Variants in SLC4A3 observed in about 807,000 individuals in gnomAD.
The protein encoded by SLC4A3 is solute carrier family 4 member 3, also known as anion exchange protein 3.
Under a neutral mutation model 114.2 loss-of-function variants are expected in SLC4A3, and 47 were observed. That is an observed-to-expected ratio of 0.41 (90% CI 0.33 to 0.52). SLC4A3 has a LOEUF of 0.52. Among genes scored for constraint, SLC4A3 ranks in the 20% least tolerant of loss-of-function variants. SLC4A3 has a pLI of 0.21. For missense variants in SLC4A3, 1,312 were observed against 1,668.3 expected, an observed-to-expected ratio of 0.79 and a Z score of 3.72; for synonymous variants, 693 against 710.3, an observed-to-expected ratio of 0.98 and a Z score of 0.39.
At position 219,628,026 on chromosome 2, in the gene SLC4A3, G is replaced by C; in HGVS notation, c.34G>C (p.Ala12Pro). 1 of 1,583,728 alleles carries C rather than the reference G, an allele frequency of 6.3e-7. No individual in the cohort carries two copies. ...CGGAGTGATCCCGCCGCCCGGGGGC[G>C]CCTCCCCCCTACCCCAGGTGATCGG... ...ANGVIPPPGG[A>P]SPLPQVRVPL... The change falls in exon 2 of 23, where the codon GCC becomes CCC. Residue 12 changes from alanine (A) to proline (P), a missense_variant. Physicochemically the swap from Ala to Pro is conservative, Grantham distance 27. This residue lies in a region of SLC4A3 where 236 missense variants were observed against 212.1 expected (regional missense o/e 1.11). Coordinates refer to ENST00000358055, the MANE Select transcript of SLC4A3 (RefSeq NM_005070.4). The surrounding 1 kb of genome is among the most constrained non-coding windows in gnomAD (Gnocchi z 4.8).
chr2:219,638,171 G>A lies in SLC4A3; in HGVS notation c.2774G>A (p.Arg925His), dbSNP rs1553552538. 3 of 1,611,052 alleles carry A rather than the reference G, an allele frequency of 1.9e-6. No homozygotes were observed. Among genetic ancestry groups the A allele is most frequent in the Non-Finnish European group, 2.5e-6 (3 of 1,178,436 alleles). ...CAACTGGCCCCTCTCAAGGCTCGTCGCATCATCGGGGACTTTGGCATCCCC... is the reference window on the plus strand; with the variant it reads ...CAACTGGCCCCTCTCAAGGCTCGTCACATCATCGGGGACTTTGGCATCCCC... ...NSRFLGGKAR[R>H]IIGDFGIPIS... The change falls in exon 18 of 23, where the codon CGC becomes CAC. Residue 925 changes from arginine to histidine, a missense_variant. This residue lies in a region of SLC4A3 where 301 missense variants were observed against 460.7 expected (regional missense o/e 0.65). Transcript: ENST00000358055. The surrounding 1 kb of genome is among the most constrained non-coding windows in gnomAD (Gnocchi z 7.5).
chr2:219,632,186 C>G (rs1420857187), intron 7 of SLC4A3, 70 bp downstream of exon 7: 5 of 1,605,818 alleles, frequency 3.1e-6, no homozygotes, highest in Non-Finnish European at 4.3e-6. Context: ...CCTCTCTTTG[C>G]CCCCCTGCCT....
At chr2:219,634,874 G>A (rs894540450) in intron 12 of SLC4A3, among the ~76,000 whole-genome samples, 1 of 152,204 alleles carries the variant, frequency 6.6e-6, no homozygotes, top group African/African-American at 2.4e-5. Context: ...GGCTGGATGC[G>A]CTGGTCTTTG....
rs552845612 is a variant in SLC4A3, at chr2:219,627,943, G to A, written c.-50G>A. 48 of 1,553,074 alleles carry A rather than the reference G, an allele frequency of 3.1e-5. No homozygotes were observed. The East Asian group carries it at 1.1e-3, about 36-fold the overall frequency. On this transcript the variant is annotated 5_prime_UTR_variant, in exon 2 of 23. Coordinates refer to ENST00000358055, the MANE Select transcript of SLC4A3 (RefSeq NM_005070.4). Reference sequence around the variant, plus strand: ...CTCAGTGGCCCCTCCTTCTCACCTGGGTCTCGGGTCCCCTAGTGAGCGAGA... The same window carrying A: ...CTCAGTGGCCCCTCCTTCTCACCTGAGTCTCGGGTCCCCTAGTGAGCGAGA...
Position 219,639,809 on chromosome 2 carries a change from T to G in SLC4A3, c.3277+74T>G, listed in dbSNP as rs2106204677. On this transcript the variant is annotated intron_variant, in intron 20 of 22. Transcript: ENST00000358055. The surrounding 1 kb of genome is among the most constrained non-coding windows in gnomAD (Gnocchi z 5.9). ...TCTTACATCTTCACTATCCCAGGCT[T>G]GACCCTGAATCTCCCAATGTGCTGT... 1 of 1,552,670 alleles carries G rather than the reference T, an allele frequency of 6.4e-7. No individual in the cohort carries two copies.
chr2:219,640,056 G>A (rs980076003), intron 20 of SLC4A3, among the ~76,000 whole-genome samples: 1 of 152,194 alleles, frequency 6.6e-6, no homozygotes, highest in African/African-American at 2.4e-5. Context: ...CGCCTCCCGA[G>A]TAGCTGGGAC....
Position 219,638,262 on chromosome 2 carries a change from GC to G in SLC4A3, c.2856+13del. 1.2e-6 allele frequency: 2 copies of G among 1,601,064 alleles called. No homozygotes were observed. The highest frequency in any genetic ancestry group is 8.5e-7 in the Non-Finnish European group (1 of 1,171,166). On this transcript the variant is annotated intron_variant, in intron 18 of 22. Transcript: ENST00000358055. This position sits in a 1 kb window ranked among gnomAD's most constrained non-coding sequence, Gnocchi z 7.5. ...CAGACACCTACACGCAGGTGAGGGA[GC>G]CCCAGCCTGTGGCAGCTGCTGTCAC...
Position 219,639,789 on chromosome 2 carries a change from C to T in SLC4A3, c.3277+54C>T. The T allele has an allele frequency of 1.3e-6, 2 of 1,583,034 alleles. No individual in the cohort carries two copies. Among genetic ancestry groups the T allele is most frequent in the Admixed American group, 1.7e-5 (1 of 59,578 alleles). ...CCCTTCCTTGGGCCCCACGGTCTTA[C>T]ATCTTCACTATCCCAGGCTTGACCC... On this transcript the variant is annotated intron_variant, in intron 20 of 22. Coordinates refer to ENST00000358055, the MANE Select transcript of SLC4A3 (RefSeq NM_005070.4). This position sits in a 1 kb window ranked among gnomAD's most constrained non-coding sequence, Gnocchi z 5.9.
chr2:219,633,514 C>G, intron 10 of SLC4A3, 57 bp downstream of exon 10: 2 of 1,409,830 alleles, frequency 1.4e-6, no homozygotes, highest in Non-Finnish European at 1.9e-6. Context: ...CAGTTTCAGT[C>G]GAGGTCATCG....
In SLC4A3 at chr2:219,629,641, A is replaced by C. The variant is rs1248068941; in HGVS notation, c.557A>C (p.Lys186Thr). Reference sequence around the variant, plus strand: ...CTCCCTGGGAGGGCTGCTGTCACCAAGCCCCTGCCCTCGGTGGGCCCACAC... The same window carrying C: ...CTCCCTGGGAGGGCTGCTGTCACCACGCCCCTGCCCTCGGTGGGCCCACAC... ...PGLPGRAAVT[K>T]PLPSVGPHTD... Residue 186 changes from lysine (K) to threonine (T), a missense_variant, in exon 5 of 23, where the codon AAG becomes ACG. Coordinates refer to ENST00000358055, the MANE Select transcript of SLC4A3 (RefSeq NM_005070.4). The C allele has an allele frequency of 6.2e-7, 1 of 1,613,340 alleles. No individual in the cohort carries two copies. Among genetic ancestry groups the C allele is most frequent in the South Asian group, 1.1e-5 (1 of 91,056 alleles).
Position 219,637,615 on chromosome 2 carries a change from C to T in SLC4A3, c.2570C>T (p.Pro857Leu), listed in dbSNP as rs761450606. The T allele has an allele frequency of 3.1e-6, 5 of 1,610,452 alleles. No homozygotes were observed. The highest frequency in any genetic ancestry group is 4.2e-6 in the Non-Finnish European group (5 of 1,177,480). ...FTEHPLLPFYPPEGALEGSLD... is the reference protein window; with the variant it reads ...FTEHPLLPFYLPEGALEGSLD... ...GAGCACCCACTGCTGCCGTTCTACCCCCCTGAGGGGGCCCTGGAGGGGTCC... is the reference window on the plus strand; with the variant it reads ...GAGCACCCACTGCTGCCGTTCTACCTCCCTGAGGGGGCCCTGGAGGGGTCC... The change falls in exon 17 of 23, where the codon CCC (proline) becomes CTC (leucine). Residue 857 changes from proline (P) to leucine (L), a missense_variant. Transcript: ENST00000358055. This position sits in a 1 kb window ranked among gnomAD's most constrained non-coding sequence, Gnocchi z 4.6.
chr2:219,637,720 C>T lies in SLC4A3; in HGVS notation c.2675C>T (p.Thr892Met), dbSNP rs1398058468. ...GPPSPRNQPN[T>M]ALLSLILMLG... ...CCCAGCCCGAGGAACCAGCCCAATA[C>T]GGCACTGCTCTCACTCATCCTCATG... Residue 892 changes from threonine to methionine, a missense_variant, in exon 17 of 23, where the codon ACG becomes ATG. This residue lies in a region of SLC4A3 where 301 missense variants were observed against 460.7 expected (regional missense o/e 0.65). Coordinates refer to ENST00000358055, the MANE Select transcript of SLC4A3 (RefSeq NM_005070.4). This position sits in a 1 kb window ranked among gnomAD's most constrained non-coding sequence, Gnocchi z 4.6. 11 of 1,613,814 alleles carry T rather than the reference C, an allele frequency of 6.8e-6. No homozygotes were observed. The highest frequency in any genetic ancestry group is 8.5e-6 in the Non-Finnish European group (10 of 1,179,752).
In SLC4A3 at chr2:219,638,126, C is replaced by A; in HGVS notation, c.2767-38C>A. On this transcript the variant is annotated intron_variant, in intron 17 of 22. Coordinates refer to ENST00000358055, the MANE Select transcript of SLC4A3 (RefSeq NM_005070.4). The surrounding 1 kb of genome is among the most constrained non-coding windows in gnomAD (Gnocchi z 7.5). The stretch of plus-strand genomic sequence containing the variant: ...CCGTGTTAGTCTGCTGACCTTGCCT[C>A]CACCTTTTGCTCCCTTCCCCAACTG... 1 of 1,533,198 alleles carries A rather than the reference C, an allele frequency of 6.5e-7. No individual in the cohort carries two copies. The highest frequency in any genetic ancestry group is 9.0e-7 in the Non-Finnish European group (1 of 1,116,232). The allele number at this position is 1,533,198 out of a possible 1,614,324, so 95.0% of individuals were successfully genotyped here.
chr2:219,637,774 T>G lies in SLC4A3; in HGVS notation c.2729T>G (p.Leu910Arg). The G allele has an allele frequency of 6.2e-7, 1 of 1,613,946 alleles. No homozygotes were observed. Among genetic ancestry groups the G allele is most frequent in the Non-Finnish European group, 8.5e-7 (1 of 1,179,872 alleles). ...MLGTFFIAFF[L>R]RKFRNSRFLG... is the part of the protein sequence containing the mutation. ...GGGACCTTCTTCATAGCCTTCTTCCTGCGCAAGTTCAGGAACAGCCGCTTC... is the reference window on the plus strand; with the variant it reads ...GGGACCTTCTTCATAGCCTTCTTCCGGCGCAAGTTCAGGAACAGCCGCTTC... Residue 910 changes from leucine (L) to arginine (R), a missense_variant, in exon 17 of 23, where the codon CTG (leucine) becomes CGG (arginine). By Grantham distance (102) the Leu-to-Arg change is moderately radical. Coordinates refer to ENST00000358055, the MANE Select transcript of SLC4A3 (RefSeq NM_005070.4). This position sits in a 1 kb window ranked among gnomAD's most constrained non-coding sequence, Gnocchi z 4.6.
Position 219,639,922 on chromosome 2 carries a change from GC to G in SLC4A3, c.3277+192del, listed in dbSNP as rs1699259228. 6.6e-6 allele frequency among the ~76,000 whole-genome samples: 1 copy of G among 151,952 alleles called. No homozygotes were observed. Among genetic ancestry groups the G allele is most frequent in the African/African-American group, 2.4e-5 (1 of 41,334 alleles). On this transcript the variant is annotated intron_variant, in intron 20 of 22. Transcript: ENST00000358055. This position sits in a 1 kb window ranked among gnomAD's most constrained non-coding sequence, Gnocchi z 5.9. ...GAGTCCTTTTCTGGCTCTCTGTCCT[GC>G]CCCCTCTTCTCTCTCTTTTTTTTTG...
At position 219,634,749 on chromosome 2, in the gene SLC4A3, G is replaced by A. The variant is rs975634195; in HGVS notation, c.1746+145G>A. ...GCCCTGGAGGGTGGTGGGGGGAGCT[G>A]TTGGCCCAGGGGAGAAGAGAGAGCC... On this transcript the variant is annotated intron_variant, in intron 12 of 22. Coordinates refer to ENST00000358055, the MANE Select transcript of SLC4A3 (RefSeq NM_005070.4). The A allele has an allele frequency of 8.1e-6, 7 of 862,242 alleles. No individual in the cohort carries two copies. The South Asian group carries it at 9.1e-5, about 11-fold the overall frequency. 53.4% of individuals were successfully genotyped at this position (862,242 alleles called of 1,614,324 possible).
chr2:219,637,439 G>A lies in SLC4A3; in HGVS notation c.2536-142G>A, dbSNP rs1699163386. The A allele has an allele frequency of 1.7e-6, 1 of 597,968 alleles. No individual in the cohort carries two copies. Among genetic ancestry groups the A allele is most frequent in the Non-Finnish European group, 3.0e-6 (1 of 331,190 alleles). 37.0% of individuals were successfully genotyped at this position (597,968 alleles called of 1,614,324 possible). A position where few individuals can be genotyped will look rare whatever the true frequency, so the allele number is the denominator to read the frequency against. On this transcript the variant is annotated intron_variant, in intron 16 of 22. Coordinates refer to ENST00000358055, the MANE Select transcript of SLC4A3 (RefSeq NM_005070.4). This position sits in a 1 kb window ranked among gnomAD's most constrained non-coding sequence, Gnocchi z 4.6. ...TCTGTGTGTTCTGTGTGTTGTGTGT[G>A]TGGTGCAGCTGGATGTCCGTGCATT... is the stretch of plus-strand genomic sequence containing the variant.
In SLC4A3 at chr2:219,638,661, TG is replaced by T; in HGVS notation, c.2857-38del. On this transcript the variant is annotated intron_variant, in intron 18 of 22. Coordinates refer to ENST00000358055, the MANE Select transcript of SLC4A3 (RefSeq NM_005070.4). This position sits in a 1 kb window ranked among gnomAD's most constrained non-coding sequence, Gnocchi z 7.5. The stretch of plus-strand genomic sequence containing the variant: ...GGGCTGCTTGGTGGGCTTTCTAGCA[TG>T]GGGAGGCTGTGTCCCTGAACCCTGT... 6.2e-7 allele frequency: 1 copy of T among 1,601,426 alleles called. No individual in the cohort carries two copies. The highest frequency in any genetic ancestry group is 1.1e-5 in the South Asian group (1 of 89,816).
Position 219,628,068 on chromosome 2 carries a change from G to A in SLC4A3, c.51+25G>A, listed in dbSNP as rs751791920. The A allele has an allele frequency of 2.6e-6, 4 of 1,530,598 alleles. No individual in the cohort carries two copies. The Admixed American group carries it at 6.2e-5, about 24-fold the overall frequency. The allele number at this position is 1,530,598 out of a possible 1,614,324, so 94.8% of individuals were successfully genotyped here. A position where few individuals can be genotyped will look rare whatever the true frequency, so the allele number is the denominator to read the frequency against. The stretch of plus-strand genomic sequence containing the variant: ...GGTGATCGGCGCGCGCGGGGGCGGG[G>A]GAGAGATGGGGGAGGAGAGGGGAGG... On this transcript the variant is annotated intron_variant, in intron 2 of 22. Transcript: ENST00000358055. The surrounding 1 kb of genome is among the most constrained non-coding windows in gnomAD (Gnocchi z 4.8).
Sources: gnomAD v4.1 joint callset for allele counts (sites outside exome capture counted in the v4.1 genomes callset) on GRCh38, gnomAD v4.1.1 for gene constraint, gnomAD v4.1.1 regional missense constraint, Gnocchi (gnomAD v3.1) non-coding constraint, MANE v1.5 for transcripts, NCBI Gene and HGNC (gene_info 2026-07-23, HGNC 2026-07-21) for gene names.